Variants in KIF13A observed in about 807,000 individuals in gnomAD.
The protein encoded by KIF13A is kinesin family member 13A.
In KIF13A, 79 loss-of-function variants were observed where a neutral mutation model predicts 212.2. That is an observed-to-expected ratio of 0.37 (90% CI 0.31 to 0.45). KIF13A has a LOEUF of 0.45. Ranked by LOEUF, KIF13A falls within the 20% of genes least tolerant of loss-of-function variation. The pLI, the probability that KIF13A is intolerant of heterozygous loss-of-function variation, is 1.00. For missense variants in KIF13A, 1,901 were observed against 2,209.0 expected (o/e 0.86, Z 2.79); for synonymous variants, 789 against 808.6 (o/e 0.98, Z 0.41).
chr6:17,765,926 C>T (rs1489314513), intron 38 of KIF13A, among the ~76,000 whole-genome samples: 2 of 152,204 alleles, frequency 1.3e-5, no homozygotes, highest in Non-Finnish European at 2.9e-5. Context: ...AGCCATTGTC[C>T]TAAGGACTTG....
intron 2 of KIF13A, among the ~76,000 whole-genome samples, chr6:17,932,731 T>G (rs1192872047): frequency 2.0e-5 from 3 of 151,654 alleles, no homozygotes; most frequent in Non-Finnish European, 4.4e-5. Flanking sequence ...ACAGCTTGTA[T>G]GCAGGCCAGA....
chr6:17,958,795 AT>A (rs1215846961), intron 2 of KIF13A, among the ~76,000 whole-genome samples: 1 of 151,774 alleles, frequency 6.6e-6, no homozygotes, highest in African/African-American at 2.4e-5. Context: ...ACTGATTTTC[AT>A]CTACTACTTA....
chr6:17,960,188 G>A (rs1278122472), intron 2 of KIF13A, among the ~76,000 whole-genome samples: 2 of 151,860 alleles, frequency 1.3e-5, no homozygotes, highest in Non-Finnish European at 2.9e-5. Flanking sequence ...CTGCCAACAA[G>A]GTAAAATCAT....
chr6:17,775,129 A>T, intron 34 of KIF13A, 67 bp from the exon 35 acceptor site: 9 of 1,281,606 alleles, frequency 7.0e-6, no homozygotes, highest in Non-Finnish European at 9.9e-6. Context: ...TTTTTATATA[A>T]AGAAACAGAA....
In KIF13A at chr6:17,886,370, A is replaced by G. The variant is rs1771537590; in HGVS notation, c.159+11798T>C. Among the ~76,000 whole-genome samples the G allele has an allele frequency of 6.6e-6, 1 of 152,168 alleles. No homozygotes were observed. On this transcript the variant is annotated intron_variant, in intron 3 of 38. Coordinates refer to ENST00000259711, the MANE Select transcript of KIF13A (RefSeq NM_022113.6). This position sits in a 1 kb window ranked among gnomAD's most constrained non-coding sequence, Gnocchi z 5.6. ...AAAGCTAAAGGACCTGAGGCAGTCCAGGGGTTGCAAACATTTACTCCCAGT... is the reference window on the plus strand; with the variant it reads ...AAAGCTAAAGGACCTGAGGCAGTCCGGGGGTTGCAAACATTTACTCCCAGT...
intron 12 of KIF13A, among the ~76,000 whole-genome samples, chr6:17,831,929 A>G (rs1280852522): frequency 1.3e-5 from 2 of 151,988 alleles, no homozygotes; most frequent in African/African-American, 4.8e-5. Context: ...CCCGTCTTTC[A>G]TGAAAAGTTA....
Position 17,794,234 on chromosome 6 carries a change from G to C in KIF13A, c.3222+15C>G. 6.2e-7 allele frequency: 1 copy of C among 1,600,552 alleles called. No individual in the cohort carries two copies. Among genetic ancestry groups the C allele is most frequent in the Non-Finnish European group, 8.5e-7 (1 of 1,169,892 alleles). On this transcript the variant is annotated intron_variant, in intron 25 of 38. Transcript: ENST00000259711. The surrounding 1 kb of genome is among the most constrained non-coding windows in gnomAD (Gnocchi z 4.1). The stretch of plus-strand genomic sequence containing the variant: ...CAAGCTTTGTTAAATACTATTTTAA[G>C]TCTGCTTGTCTTACCTGGTAACTGT...
intron 29 of KIF13A, among the ~76,000 whole-genome samples, chr6:17,782,717 GGTTT>G (rs1760714103): frequency 6.6e-6 from 1 of 152,118 alleles, no homozygotes; most frequent in African/African-American, 2.4e-5. Flanking sequence ...TAAACTGTTA[GGTTT>G]GTTGTCCTAC....
At chr6:17,904,976 A>C (rs957694541) in intron 2 of KIF13A, among the ~76,000 whole-genome samples, 1 of 152,230 alleles carries the variant, frequency 6.6e-6, no homozygotes, top group African/African-American at 2.4e-5. Context: ...TGTCAATTCC[A>C]ACTTGGAGAA....
chr6:17,777,460 T>G lies in KIF13A; in HGVS notation c.4093-106A>C. On this transcript the variant is annotated intron_variant, in intron 33 of 38. Transcript: ENST00000259711. The surrounding 1 kb of genome is among the most constrained non-coding windows in gnomAD (Gnocchi z 4.4). The stretch of plus-strand genomic sequence containing the variant: ...GTGTAGTGATGCGATCTCTGCTCAC[T>G]GCAACCTCTGCCTCCTGGGTTCAAG... The G allele has an allele frequency of 1.1e-6, 1 of 892,438 alleles. No homozygotes were observed. The highest frequency in any genetic ancestry group is 1.4e-5 in the South Asian group (1 of 69,326). 55.3% of individuals were successfully genotyped at this position (892,438 alleles called of 1,614,324 possible). A position where few individuals can be genotyped will look rare whatever the true frequency, so the allele number is the denominator to read the frequency against.
Position 17,897,520 on chromosome 6 carries a change from C to G in KIF13A, c.159+648G>C, listed in dbSNP as rs955068702. 1.2e-4 allele frequency among the ~76,000 whole-genome samples: 18 copies of G among 152,200 alleles called. No homozygotes were observed. The highest frequency in any genetic ancestry group is 2.1e-4 in the South Asian group (1 of 4,834). On this transcript the variant is annotated intron_variant, in intron 3 of 38. Transcript: ENST00000259711. The surrounding 1 kb of genome is among the most constrained non-coding windows in gnomAD (Gnocchi z 4.8). ...ATATTCCCCCACTTCCCTCCTCTAA[C>G]TATTCTCTAACTTCTGGCCTTCTCA...
intron 12 of KIF13A, 104 bp downstream of exon 12, chr6:17,833,855 CAA>C (rs11358140): frequency 0.055 from 19,690 of 358,598 alleles, 8 homozygotes; most frequent in East Asian, 0.065. Context: ...GACTCCGTCT[CAA>C]AAAAAAAAAA....
chr6:17,857,652 C>T (rs1043915879), intron 4 of KIF13A, among the ~76,000 whole-genome samples: 1 of 152,162 alleles, frequency 6.6e-6, no homozygotes, highest in African/African-American at 2.4e-5. Flanking sequence ...ATTCTGACAA[C>T]ATCAAATATT....
chr6:17,767,852 T>C (rs930642492), intron 38 of KIF13A, among the ~76,000 whole-genome samples: 2 of 152,188 alleles, frequency 1.3e-5, no homozygotes, highest in African/African-American at 4.8e-5. Context: ...TGAGTAGAAA[T>C]AGTTGTAAAT....
At chr6:17,969,156 A>G (rs540383262) in intron 2 of KIF13A, among the ~76,000 whole-genome samples, 1 of 152,146 alleles carries the variant, frequency 6.6e-6, no homozygotes, top group East Asian at 1.9e-4. Flanking sequence ...CAAAAGACAA[A>G]TAAGACAAGG....
intron 25 of KIF13A, among the ~76,000 whole-genome samples, chr6:17,790,881 T>A (rs959803903): frequency 4.6e-5 from 7 of 152,168 alleles, no homozygotes; most frequent in Non-Finnish European, 1.0e-4. Context: ...GAAAGAATCA[T>A]AACTGTCCCA....
At chr6:17,763,663 A>T, downstream of KIF13A, 1 of 196,004 alleles carries the variant, frequency 5.1e-6, no homozygotes, top group Non-Finnish European at 9.7e-6. Context: ...TCCACACTTT[A>T]CCATCTCTGA....
chr6:17,796,809 C>A lies in KIF13A; in HGVS notation c.2802G>T (p.Val934=). ...VTFSHCKDYV[V]NVTEEFLEFI... ...ACTCCAGAAATTCTTCTGTTACATTCACCACATAGTCCTGGGATAAGTGGG... is the reference window on the plus strand; with the variant it reads ...ACTCCAGAAATTCTTCTGTTACATTAACCACATAGTCCTGGGATAAGTGGG... The change falls in exon 23 of 39, where the codon GTG becomes GTT. Residue 934 remains valine, a synonymous_variant. Coordinates refer to ENST00000259711, the MANE Select transcript of KIF13A (RefSeq NM_022113.6). 6.4e-7 allele frequency: 1 copy of A among 1,562,774 alleles called. No homozygotes were observed. Among genetic ancestry groups the A allele is most frequent in the Non-Finnish European group, 8.7e-7 (1 of 1,151,680 alleles).
At chr6:17,909,206 C>A (rs1284736025) in intron 2 of KIF13A, among the ~76,000 whole-genome samples, 2 of 152,110 alleles carry the variant, frequency 1.3e-5, no homozygotes, top group African/African-American at 4.8e-5. Context: ...TGAAGAATGA[C>A]AGAACTTATA....
Sources: gnomAD v4.1 joint callset for allele counts (sites outside exome capture counted in the v4.1 genomes callset) on GRCh38, gnomAD v4.1.1 for gene constraint, Gnocchi (gnomAD v3.1) non-coding constraint, MANE v1.5 for transcripts, NCBI Gene and HGNC (gene_info 2026-07-23, HGNC 2026-07-21) for gene names.